ATP13A5: variants seen among roughly 807,000 people sequenced by gnomAD.
ATP13A5 encodes ATPase 13A5.
A neutral mutation model predicts 150.2 loss-of-function variants in ATP13A5; 149 were observed. The ratio of observed to expected loss-of-function variants is 0.99; its 90% CI spans 0.87 to 1.14. The LOEUF is 1.14. Among genes scored for constraint, ATP13A5 ranks in the 50% most tolerant of loss-of-function variants. The probability of loss-of-function intolerance (pLI) is 0.00; values close to 1 mark genes in which losing one functional copy is unlikely to be tolerated. For synonymous variants in ATP13A5, 497 were observed against 522.2 expected, an observed-to-expected ratio of 0.95 and a Z score of 0.66; for missense variants, 1,383 against 1,449.3, an observed-to-expected ratio of 0.95 and a Z score of 0.74.
intron 23 of ATP13A5, among the ~76,000 whole-genome samples, chr3:193,301,787 A>T (rs1560121409): frequency 6.6e-6 from 1 of 152,162 alleles, no homozygotes. Context: ...AGGTGCTTTG[A>T]CATTTTAGGA....
chr3:193,376,757 G>A (rs1024700747), intron 1 of ATP13A5, among the ~76,000 whole-genome samples: 3 of 152,096 alleles, frequency 2.0e-5, no homozygotes, highest in South Asian at 2.1e-4. Flanking sequence ...CCTTCTAAAA[G>A]GCTAGCAATT....
intron 16 of ATP13A5, among the ~76,000 whole-genome samples, chr3:193,320,956 T>A (rs1431365051): frequency 6.6e-6 from 1 of 152,236 alleles, no homozygotes; most frequent in Admixed American, 6.5e-5. Flanking sequence ...ATCACTTTTA[T>A]TTCTGTTCTA....
At chr3:193,372,001 C>T (rs766386824) in intron 1 of ATP13A5, among the ~76,000 whole-genome samples, 1 of 151,936 alleles carries the variant, frequency 6.6e-6, no homozygotes, top group Non-Finnish European at 1.5e-5. Flanking sequence ...TCTGCCACCA[C>T]AGATGATTAG....
intron 7 of ATP13A5, among the ~76,000 whole-genome samples, chr3:193,346,483 T>C (rs575136198): frequency 2.0e-5 from 3 of 152,272 alleles, no homozygotes; most frequent in African/African-American, 7.2e-5. Flanking sequence ...CCCTGGAAGG[T>C]ACTGCCTCTT....
intron 8 of ATP13A5, 30 bp downstream of exon 8, chr3:193,344,973 A>T: frequency 1.3e-6 from 2 of 1,576,716 alleles, no homozygotes; most frequent in Non-Finnish European, 8.7e-7. Context: ...AAATATTAAG[A>T]TGCTGAAGAT....
intron 17 of ATP13A5, among the ~76,000 whole-genome samples, chr3:193,316,492 T>A (rs1719057195): frequency 6.6e-6 from 1 of 152,156 alleles, no homozygotes; most frequent in African/African-American, 2.4e-5. Flanking sequence ...CTTGTTCTTT[T>A]GTTTTTGTTT....
intron 1 of ATP13A5, among the ~76,000 whole-genome samples, chr3:193,370,612 C>G (rs1713405911): frequency 6.6e-6 from 1 of 152,160 alleles, no homozygotes; most frequent in Admixed American, 6.5e-5. Flanking sequence ...ATAACAGTCA[C>G]TATTGTCTAG....
In ATP13A5 at chr3:193,275,031, G is replaced by A. The variant is rs1341438422; in HGVS notation, c.*11C>T. 15 of 1,613,746 alleles carry A rather than the reference G, an allele frequency of 9.3e-6. No individual in the cohort carries two copies. Among genetic ancestry groups the A allele is most frequent in the African/African-American group, 2.7e-5 (2 of 74,900 alleles). On this transcript the variant is annotated 3_prime_UTR_variant, in exon 30 of 30. Transcript: ENST00000342358. ...AGCAATGCTGTTGAGCATGTACGAC[G>A]ACAATTCTGATTACAGCCTGGCCCA... is the stretch of plus-strand genomic sequence containing the variant.
At chr3:193,323,019 G>T (rs1357487023) in intron 14 of ATP13A5, among the ~76,000 whole-genome samples, 4 of 152,178 alleles carry the variant, frequency 2.6e-5, no homozygotes, top group Non-Finnish European at 5.9e-5. Context: ...TAGGGAGTTG[G>T]TATGTCAGCT....
At chr3:193,305,360 C>A (rs2108844311) in intron 23 of ATP13A5, among the ~76,000 whole-genome samples, 199 bp downstream of exon 23, 1 of 152,300 alleles carries the variant, frequency 6.6e-6, no homozygotes, top group South Asian at 2.1e-4. Context: ...TCCTTTAAGG[C>A]TCAGCAAAAG....
At chr3:193,315,645 A>C (rs1349756984) in intron 17 of ATP13A5, among the ~76,000 whole-genome samples, 2 of 152,184 alleles carry the variant, frequency 1.3e-5, no homozygotes, top group East Asian at 3.9e-4. Flanking sequence ...TTAGTTATGT[A>C]GGAACGTTCC....
intron 21 of ATP13A5, among the ~76,000 whole-genome samples, chr3:193,309,614 C>A (rs1051825695): frequency 9.9e-5 from 15 of 152,266 alleles, no homozygotes; most frequent in South Asian, 4.1e-4. Context: ...AAAACAGCAA[C>A]ATCCGTCTTG....
At chr3:193,283,563 A>G (rs1717593279) in intron 27 of ATP13A5, among the ~76,000 whole-genome samples, 1 of 152,186 alleles carries the variant, frequency 6.6e-6, no homozygotes, top group African/African-American at 2.4e-5. Flanking sequence ...ATCTTATCAG[A>G]CCAGCACAAA....
chr3:193,278,676 C>T (rs1037939933), intron 28 of ATP13A5, among the ~76,000 whole-genome samples: 2 of 152,180 alleles, frequency 1.3e-5, no homozygotes, highest in Admixed American at 6.5e-5. Flanking sequence ...AAATGCCTCC[C>T]ATGACAGCCA....
chr3:193,376,945 A>G (rs1713666694), intron 1 of ATP13A5, among the ~76,000 whole-genome samples: 1 of 152,164 alleles, frequency 6.6e-6, no homozygotes, highest in Admixed American at 6.5e-5. Flanking sequence ...CCCCTTCCCC[A>G]CAATGAGTTA....
chr3:193,351,003 T>G, intron 7 of ATP13A5, 64 bp downstream of exon 7: 1 of 1,572,694 alleles, frequency 6.4e-7, no homozygotes, highest in Non-Finnish European at 8.7e-7. Flanking sequence ...TCAGTGGAAA[T>G]ACCATGGGCT....
At chr3:193,348,308 C>T (rs7630665) in intron 7 of ATP13A5, among the ~76,000 whole-genome samples, 11,521 of 152,200 alleles carry the variant, frequency 0.076, 1,362 homozygotes, top group African/African-American at 0.25. Flanking sequence ...TCTGTTGCTA[C>T]GTGCCCTTGT....
chr3:193,346,452 G>A (rs1262679113), intron 7 of ATP13A5, among the ~76,000 whole-genome samples: 2 of 152,146 alleles, frequency 1.3e-5, no homozygotes, highest in African/African-American at 4.8e-5. Context: ...ATCAGCGAGA[G>A]AAAGTTCCAT....
At position 193,316,310 on chromosome 3, in the gene ATP13A5, C is replaced by T. The variant is rs145659080; in HGVS notation, c.2034-1214G>A. 5.7e-3 allele frequency among the ~76,000 whole-genome samples: 871 copies of T among 152,096 alleles called. 7 individuals carry two copies. Among genetic ancestry groups the T allele is most frequent in the Middle Eastern group, 0.01 (3 of 294 alleles). On this transcript the variant is annotated intron_variant, in intron 17 of 29. Transcript: ENST00000342358. ...TTTTTTTGAGATCCCAATGTCAGTT[C>T]TTTTGGATATATACTCAGAAGTGGG...
Sources: allele counts gnomAD v4.1 joint callset (sites outside exome capture counted in the v4.1 genomes callset), GRCh38; gene constraint gnomAD v4.1.1; transcripts MANE v1.5; gene names NCBI Gene and HGNC (gene_info 2026-07-23, HGNC 2026-07-21).